The following RMDN2 variants were observed in gnomAD, a reference collection of about 807,000 sequenced individuals.
RMDN2 encodes the protein regulator of microtubule dynamics protein 2.
A neutral mutation model predicts 52.8 loss-of-function variants in RMDN2; 61 were observed. The ratio of observed to expected loss-of-function variants is 1.16; its 90% CI spans 0.94 to 1.43. RMDN2 has a LOEUF of 1.43. RMDN2 is among the 40% of genes most tolerant of loss of function. The probability of loss-of-function intolerance (pLI) is 0.00; values close to 1 mark genes in which losing one functional copy is unlikely to be tolerated. For missense variants in RMDN2, 592 were observed against 475.3 expected, an observed-to-expected ratio of 1.25 and a Z score of -2.28; for synonymous variants, 180 against 153.1, an observed-to-expected ratio of 1.18 and a Z score of -1.30.
chr2:38,039,743 A>G (rs780358795), intron 10 of RMDN2, among the ~76,000 whole-genome samples: 1 of 152,216 alleles, frequency 6.6e-6, no homozygotes, highest in Non-Finnish European at 1.5e-5. Context: ...GAAGGGTGCC[A>G]GGCTGGCCCT....
At chr2:37,966,713 T>C (rs115015796) in intron 2 of RMDN2, among the ~76,000 whole-genome samples, 2,246 of 152,268 alleles carry the variant, frequency 0.015, 53 homozygotes, top group African/African-American at 0.05. Flanking sequence ...TGTTGGTCCC[T>C]TCCAGTAAAT....
intron 10 of RMDN2, chr2:38,029,638 A>G (rs1680035921): frequency 6.6e-6 from 1 of 151,144 alleles, no homozygotes; most frequent in African/African-American, 2.4e-5. Context: ...ACTGAAAGTA[A>G]TTTCTACCCT....
At chr2:38,002,326 T>G (rs569742320) in intron 8 of RMDN2, among the ~76,000 whole-genome samples, 1 of 152,308 alleles carries the variant, frequency 6.6e-6, no homozygotes, top group South Asian at 2.1e-4. Context: ...TAATTGGTTA[T>G]TAGTAGTAAT....
intron 2 of RMDN2, among the ~76,000 whole-genome samples, chr2:37,963,971 C>A (rs1267502378): frequency 6.7e-6 from 1 of 149,834 alleles, no homozygotes; most frequent in Non-Finnish European, 1.5e-5. Flanking sequence ...CCGGACAGGG[C>A]GGCTGGCCGG....
At chr2:38,052,030 A>ACTGGGATAAAT in intron 10 of RMDN2, among the ~76,000 whole-genome samples, 1 of 152,332 alleles carries the variant, frequency 6.6e-6, no homozygotes, top group South Asian at 2.1e-4. Flanking sequence ...TTGGATAAAT[A>ACTGGGATAAAT]CCCAGTGGTG....
chr2:38,014,397 G>T (rs186868633), intron 10 of RMDN2, among the ~76,000 whole-genome samples: 13 of 152,156 alleles, frequency 8.5e-5, no homozygotes, highest in Non-Finnish European at 1.8e-4. Flanking sequence ...TGCAATATAT[G>T]TAATGGTCTT....
intron 8 of RMDN2, among the ~76,000 whole-genome samples, chr2:37,999,904 T>C (rs1406049525): frequency 1.3e-5 from 2 of 152,158 alleles, no homozygotes; most frequent in African/African-American, 4.8e-5. Context: ...TGGACACACA[T>C]TTCCTTAGTT....
chr2:38,010,585 C>T (rs1208491205), intron 10 of RMDN2, among the ~76,000 whole-genome samples: 1 of 151,876 alleles, frequency 6.6e-6, no homozygotes, highest in Non-Finnish European at 1.5e-5. Context: ...GTGGGAGTGA[C>T]CCGATCTTCC....
At chr2:37,981,202 T>C in intron 4 of RMDN2, 81 bp from the exon 5 acceptor site, 2 of 888,314 alleles carry the variant, frequency 2.3e-6, no homozygotes, top group South Asian at 2.7e-5. Flanking sequence ...GACCATACTT[T>C]GTGAACCATG....
At chr2:38,052,620 T>A (rs1681669432) in intron 10 of RMDN2, among the ~76,000 whole-genome samples, 1 of 152,166 alleles carries the variant, frequency 6.6e-6, no homozygotes, top group Non-Finnish European at 1.5e-5. Context: ...CTGGAGCAAG[T>A]AGTTTTATAG....
chr2:38,018,365 G>T (rs1050439655), downstream of RMDN2, among the ~76,000 whole-genome samples: 5 of 152,054 alleles, frequency 3.3e-5, no homozygotes, highest in African/African-American at 1.2e-4. Flanking sequence ...ACAAACCTTT[G>T]GTAAAATTTA....
intron 1 of RMDN2, 116 bp downstream of exon 1, chr2:37,925,541 G>A (rs981980240): frequency 1.3e-5 from 2 of 152,422 alleles, no homozygotes; most frequent in Admixed American, 6.5e-5. Context: ...CCGGGTCGGT[G>A]TGTCCCTGGC....
chr2:38,066,034 T>C (rs1284740988), intron 10 of RMDN2, among the ~76,000 whole-genome samples: 2 of 152,148 alleles, frequency 1.3e-5, no homozygotes, highest in African/African-American at 2.4e-5. Context: ...ACAGGCACAC[T>C]GGGAAGGGAC....
intron 4 of RMDN2, among the ~76,000 whole-genome samples, chr2:37,978,813 T>TAGATAGATAGATAGATAGATAGAG (rs1180325489): frequency 6.6e-6 from 1 of 151,714 alleles, no homozygotes; most frequent in Non-Finnish European, 1.5e-5. Flanking sequence ...GATAGATAGA[T>TAGATAGATAGATAGATAGATAGAG]AGAGAACAGG....
Position 37,929,353 on chromosome 2 carries a change from T to TG in RMDN2, c.78dup (p.Tyr27ValfsTer6). 1.3e-6 allele frequency: 2 copies of TG among 1,552,044 alleles called. No individual in the cohort carries two copies. Among genetic ancestry groups the TG allele is most frequent in the Non-Finnish European group, 1.7e-6 (2 of 1,147,008 alleles). ...TGCTGGAATCAGCTTGCTGCTCTTG[T>TG]GGTACCACAAGGTCCGTAAACCAGG... On this transcript the variant is annotated frameshift_variant, in exon 2 of 11. Transcript: ENST00000354545. LOFTEE classifies it high-confidence loss of function.
intron 10 of RMDN2, among the ~76,000 whole-genome samples, chr2:38,055,369 A>C (rs1270802910): frequency 6.6e-6 from 1 of 151,946 alleles, no homozygotes; most frequent in Non-Finnish European, 1.5e-5. Context: ...CTACCTCCCC[A>C]ACCTCACCCT....
chr2:37,983,031 C>G (rs982439092), intron 5 of RMDN2, among the ~76,000 whole-genome samples: 5 of 152,012 alleles, frequency 3.3e-5, no homozygotes, highest in African/African-American at 7.2e-5. Flanking sequence ...TCCTCCTCCC[C>G]TACTCTTCCT....
intron 8 of RMDN2, chr2:37,998,279 C>A (rs1445178548): frequency 1.3e-5 from 2 of 152,288 alleles, no homozygotes; most frequent in African/African-American, 4.8e-5. Context: ...GTAATCCCAA[C>A]ACTTTGGAAG....
intron 10 of RMDN2, among the ~76,000 whole-genome samples, chr2:38,034,315 C>G (rs896425565): frequency 6.6e-6 from 1 of 152,210 alleles, no homozygotes; most frequent in African/African-American, 2.4e-5. Context: ...CTACCACTAT[C>G]TTGGACATAT....
Sources: allele counts gnomAD v4.1 joint callset (sites outside exome capture counted in the v4.1 genomes callset), GRCh38; gene constraint gnomAD v4.1.1; transcripts MANE v1.5; gene names NCBI Gene and HGNC (gene_info 2026-07-23, HGNC 2026-07-21).